Variants in SPIRE1 observed in about 807,000 individuals in gnomAD.
SPIRE1 encodes spire type actin nucleation factor 1, also known as protein spire homolog 1.
A neutral mutation model predicts 94.1 loss-of-function variants in SPIRE1; 40 were observed. That is an observed-to-expected ratio of 0.43 (90% CI 0.33 to 0.55). The LOEUF (loss-of-function observed/expected upper bound fraction) is 0.55, where lower values mean the gene tolerates loss of function less well. Among genes scored for constraint, SPIRE1 ranks in the 20% least tolerant of loss-of-function variants. The pLI, the probability that SPIRE1 is intolerant of heterozygous loss-of-function variation, is 0.06. For synonymous variants in SPIRE1, 376 were observed against 371.7 expected (o/e 1.01, Z -0.13); for missense variants, 838 against 975.2 (o/e 0.86, Z 1.87).
chr18:12,516,749 A>G (rs2034207641), intron 4 of SPIRE1, among the ~76,000 whole-genome samples: 1 of 151,720 alleles, frequency 6.6e-6, no homozygotes, highest in Non-Finnish European at 1.5e-5. Flanking sequence ...TTCAATCCAA[A>G]CTCTTTTGCT....
chr18:12,656,018 C>T (rs879758049), intron 1 of SPIRE1, among the ~76,000 whole-genome samples: 3 of 152,130 alleles, frequency 2.0e-5, no homozygotes, highest in East Asian at 1.9e-4. Flanking sequence ...CCCACCTCAG[C>T]CTCCCGAGTA....
chr18:12,503,489 T>C (rs1037976780), intron 6 of SPIRE1, among the ~76,000 whole-genome samples: 2 of 152,202 alleles, frequency 1.3e-5, no homozygotes, highest in Admixed American at 1.3e-4. Flanking sequence ...TCCTGAGTTG[T>C]CTTTTCTTCT....
At chr18:12,568,387 C>G (rs1471257601) in intron 2 of SPIRE1, among the ~76,000 whole-genome samples, 1 of 152,174 alleles carries the variant, frequency 6.6e-6, no homozygotes, top group Non-Finnish European at 1.5e-5. Flanking sequence ...TTTCTCATCT[C>G]TATGCCACTG....
rs147513199 is a variant in SPIRE1, at chr18:12,454,573, A to G, written c.1639-90T>C. On this transcript the variant is annotated intron_variant, in intron 12 of 16. Transcript: ENST00000409402. ...CCTTCAGATCAGACCCCTGATTAGT[A>G]GCTTCAGAGAAGAGAACAGGTTTCC... 293 of 1,219,488 alleles carry G rather than the reference A, an allele frequency of 2.4e-4. 2 individuals carry two copies. In the African/African-American group the frequency reaches 3.8e-3, roughly 16 times the overall value. 75.5% of individuals were successfully genotyped at this position (1,219,488 alleles called of 1,614,324 possible). A position where few individuals can be genotyped will look rare whatever the true frequency, so the allele number is the denominator to read the frequency against.
intron 2 of SPIRE1, among the ~76,000 whole-genome samples, chr18:12,562,438 C>T (rs933052489): frequency 2.0e-5 from 3 of 148,320 alleles, no homozygotes; most frequent in African/African-American, 7.3e-5. Context: ...GCACCTGCCA[C>T]CAACACCTGA....
chr18:12,622,164 A>G (rs2037489409), intron 2 of SPIRE1, among the ~76,000 whole-genome samples: 1 of 152,120 alleles, frequency 6.6e-6, no homozygotes, highest in Non-Finnish European at 1.5e-5. Flanking sequence ...TATGCTTACC[A>G]TGGGTCAGTT....
At chr18:12,565,470 G>C (rs944571946) in intron 2 of SPIRE1, among the ~76,000 whole-genome samples, 8 of 152,152 alleles carry the variant, frequency 5.3e-5, no homozygotes, top group Middle Eastern at 3.4e-3. Flanking sequence ...TGCCTCCTGG[G>C]TTCAAACGAT....
intron 1 of SPIRE1, among the ~76,000 whole-genome samples, chr18:12,640,465 A>C (rs959986556): frequency 6.6e-6 from 1 of 152,224 alleles, no homozygotes; most frequent in Non-Finnish European, 1.5e-5. Context: ...CCTACTAAGT[A>C]CTACTCATAA....
At chr18:12,485,427 G>C (rs530023233) in intron 9 of SPIRE1, among the ~76,000 whole-genome samples, 1 of 152,118 alleles carries the variant, frequency 6.6e-6, no homozygotes, top group Admixed American at 6.5e-5. Context: ...CTCTTAATCA[G>C]CATTCAAAGT....
At chr18:12,548,554 T>C (rs923876721) in intron 2 of SPIRE1, among the ~76,000 whole-genome samples, 5 of 152,126 alleles carry the variant, frequency 3.3e-5, no homozygotes, top group African/African-American at 1.2e-4. Context: ...ACATGTAATA[T>C]TTTCACTGGA....
At chr18:12,642,707 T>A (rs2038120160) in intron 1 of SPIRE1, among the ~76,000 whole-genome samples, 1 of 152,044 alleles carries the variant, frequency 6.6e-6, no homozygotes, top group African/African-American at 2.4e-5. Flanking sequence ...AAGTGGGAGT[T>A]GAACAATGAG....
intron 4 of SPIRE1, among the ~76,000 whole-genome samples, chr18:12,518,128 A>G (rs1019511041): frequency 3.3e-5 from 5 of 152,050 alleles, no homozygotes; most frequent in Admixed American, 6.5e-5. Context: ...CTTTCACCTC[A>G]GCCTCCTGAG....
chr18:12,469,577 T>A (rs1003079712), intron 10 of SPIRE1, among the ~76,000 whole-genome samples: 1 of 145,438 alleles, frequency 6.9e-6, no homozygotes, highest in Non-Finnish European at 1.5e-5. Context: ...TTATATATAT[T>A]ATATATAGTA....
At chr18:12,652,376 T>A (rs1044389178) in intron 1 of SPIRE1, among the ~76,000 whole-genome samples, 6 of 152,234 alleles carry the variant, frequency 3.9e-5, no homozygotes, top group African/African-American at 1.4e-4. Flanking sequence ...CAACAAAGTC[T>A]TATTATTACT....
At chr18:12,528,759 C>A (rs559316592) in intron 4 of SPIRE1, among the ~76,000 whole-genome samples, 41 of 152,178 alleles carry the variant, frequency 2.7e-4, no homozygotes, top group Non-Finnish European at 1.5e-4. Context: ...GTAAGGTAGA[C>A]ACAGTGAGAA....
chr18:12,539,145 G>T (rs889822647), intron 3 of SPIRE1, among the ~76,000 whole-genome samples: 2 of 152,316 alleles, frequency 1.3e-5, no homozygotes, highest in Admixed American at 1.3e-4. Context: ...GTGGCAGAAA[G>T]AAACACAGTA....
Position 12,657,986 on chromosome 18 carries a change from C to T in SPIRE1, c.-120G>A, listed in dbSNP as rs943276237. ...CCGGAACCGCCGCCGCCCAACGCGG[C>T]CGCGCGCGCCGCCGCCGGGACCAGG... On this transcript the variant is annotated 5_prime_UTR_variant, in exon 1 of 17. Coordinates refer to ENST00000409402, the MANE Select transcript of SPIRE1 (RefSeq NM_001128626.2). 8 of 992,342 alleles carry T rather than the reference C, an allele frequency of 8.1e-6. No individual in the cohort carries two copies. The African/African-American group carries it at 1.4e-4, about 17-fold the overall frequency. 61.5% of individuals were successfully genotyped at this position (992,342 alleles called of 1,614,324 possible). A position where few individuals can be genotyped will look rare whatever the true frequency, so the allele number is the denominator to read the frequency against.
At position 12,555,175 on chromosome 18, in the gene SPIRE1, A is replaced by C. The variant is rs557107525; in HGVS notation, c.373-8271T>G. Among the ~76,000 whole-genome samples the C allele has an allele frequency of 4.9e-4, 74 of 152,168 alleles. 1 individual carries two copies. In the South Asian group the frequency reaches 0.015, roughly 31 times the overall value. On this transcript the variant is annotated intron_variant, in intron 2 of 16. Coordinates refer to ENST00000409402, the MANE Select transcript of SPIRE1 (RefSeq NM_001128626.2). Reference sequence around the variant, plus strand: ...ATCTCCCATCTCCTCAGCTGCAGGCACCCAATTAAAGCCTTCTCCCCTGGC... The same window carrying C: ...ATCTCCCATCTCCTCAGCTGCAGGCCCCCAATTAAAGCCTTCTCCCCTGGC...
At chr18:12,558,803 G>A (rs2035597040) in intron 2 of SPIRE1, among the ~76,000 whole-genome samples, 2 of 152,130 alleles carry the variant, frequency 1.3e-5, no homozygotes, top group Admixed American at 1.3e-4. Context: ...CAATCTTCTA[G>A]CTACACATAA....
Sources: allele counts gnomAD v4.1 joint callset (sites outside exome capture counted in the v4.1 genomes callset), GRCh38; gene constraint gnomAD v4.1.1; transcripts MANE v1.5; gene names NCBI Gene and HGNC (gene_info 2026-07-23, HGNC 2026-07-21).